The following PTCHD4 variants were observed in gnomAD, a reference collection of about 807,000 sequenced individuals.
The protein encoded by PTCHD4 is patched domain containing 4, also known as patched domain-containing protein 4.
A neutral mutation model predicts 58.1 loss-of-function variants in PTCHD4; 33 were observed. The observed-to-expected ratio is 0.57, with a 90% CI of 0.43 to 0.76. PTCHD4 has a LOEUF of 0.76. Among genes scored for constraint, PTCHD4 ranks in the 30% least tolerant of loss-of-function variants. The probability of loss-of-function intolerance (pLI) is 0.00; values close to 1 mark genes in which losing one functional copy is unlikely to be tolerated. For synonymous variants in PTCHD4, 478 were observed against 409.6 expected (o/e 1.17, Z -2.02); for missense variants, 1,058 against 1,027.1 (o/e 1.03, Z -0.41).
At chr6:47,937,990 T>G (rs1440816987) in intron 4 of PTCHD4, among the ~76,000 whole-genome samples, 1 of 151,916 alleles carries the variant, frequency 6.6e-6, no homozygotes, top group African/African-American at 2.4e-5. Flanking sequence ...CCATCTCTAC[T>G]AAAAATACAA....
chr6:48,005,283 A>G (rs1762391838), intron 4 of PTCHD4, among the ~76,000 whole-genome samples: 1 of 152,204 alleles, frequency 6.6e-6, no homozygotes, highest in South Asian at 2.1e-4. Flanking sequence ...AGCTTCAGGG[A>G]TGATACTGAT....
rs913531808 is a variant in PTCHD4 at position 47,886,097 on chromosome 6, C to T, written c.899-6161G>A. ...CCTCCCAAAGTGCTGGGATTATAGG[C>T]GCGAGCCACGGCGATGGCAAGATTT... On this transcript the variant is annotated intron_variant, in intron 4 of 4. Transcript: ENST00000339488. Among the ~76,000 whole-genome samples the T allele has an allele frequency of 4.0e-5, 6 of 149,734 alleles. No individual in the cohort carries two copies. The South Asian group carries it at 6.4e-4, about 16-fold the overall frequency.
intron 4 of PTCHD4, among the ~76,000 whole-genome samples, chr6:47,896,522 G>A (rs1257544350): frequency 1.3e-5 from 2 of 152,198 alleles, no homozygotes; most frequent in Non-Finnish European, 2.9e-5. Context: ...ACATGGAAAT[G>A]TATACATGAA....
intron 3 of PTCHD4, among the ~76,000 whole-genome samples, chr6:48,014,197 G>A (rs903234161): frequency 3.3e-5 from 5 of 151,964 alleles, no homozygotes; most frequent in Non-Finnish European, 7.4e-5. Context: ...TCCATTAAAA[G>A]GTCCACATTT....
At chr6:48,046,340 G>A (rs953242228) in intron 3 of PTCHD4, among the ~76,000 whole-genome samples, 2 of 151,762 alleles carry the variant, frequency 1.3e-5, no homozygotes, top group East Asian at 1.9e-4. Context: ...GTAGCTTTTG[G>A]GGGAAGCACT....
chr6:47,914,604 T>C (rs12209011), intron 4 of PTCHD4, among the ~76,000 whole-genome samples: 85,338 of 150,416 alleles, frequency 0.57, 25,467 homozygotes, highest in East Asian at 0.78. Context: ...ATAGTTAATC[T>C]TTCTCTCTCT....
chr6:48,048,233 A>C (rs1207420562), intron 3 of PTCHD4, among the ~76,000 whole-genome samples: 1 of 151,904 alleles, frequency 6.6e-6, no homozygotes, highest in Non-Finnish European at 1.5e-5. Context: ...TTATGCAATA[A>C]ATAGCCAAAT....
intron 4 of PTCHD4, among the ~76,000 whole-genome samples, chr6:47,955,170 A>C (rs1766808902): frequency 6.6e-6 from 1 of 152,238 alleles, no homozygotes; most frequent in South Asian, 2.1e-4. Context: ...AGTTTTGAGG[A>C]AGCTTATCAT....
At chr6:47,969,909 A>AG (rs1237905996) in intron 4 of PTCHD4, among the ~76,000 whole-genome samples, 1 of 152,170 alleles carries the variant, frequency 6.6e-6, no homozygotes, top group African/African-American at 2.4e-5. Context: ...CAAATAATAA[A>AG]CTGTGAATCA....
chr6:48,001,405 A>G (rs1397887509), intron 4 of PTCHD4, among the ~76,000 whole-genome samples: 1 of 152,202 alleles, frequency 6.6e-6, no homozygotes, highest in African/African-American at 2.4e-5. Flanking sequence ...TGGTACCAAA[A>G]CAGAGATATA....
chr6:47,939,370 C>T (rs1020226229), intron 4 of PTCHD4, among the ~76,000 whole-genome samples: 1 of 151,950 alleles, frequency 6.6e-6, no homozygotes, highest in Non-Finnish European at 1.5e-5. Context: ...ACATGGCCTA[C>T]AGGTACATTA....
intron 4 of PTCHD4, among the ~76,000 whole-genome samples, chr6:47,925,577 A>C (rs1581888130): frequency 6.6e-6 from 1 of 152,224 alleles, no homozygotes; most frequent in Admixed American, 6.5e-5. Context: ...ACTTGCTGCA[A>C]TCCTAAAAGA....
At chr6:47,925,656 C>T (rs752188696) in intron 4 of PTCHD4, among the ~76,000 whole-genome samples, 7 of 152,196 alleles carry the variant, frequency 4.6e-5, no homozygotes, top group Non-Finnish European at 7.4e-5. Flanking sequence ...TGATGACAAC[C>T]ACAAAGGTGG....
At chr6:48,086,254 A>G (rs1765261510) in intron 1 of PTCHD4, among the ~76,000 whole-genome samples, 1 of 152,192 alleles carries the variant, frequency 6.6e-6, no homozygotes, top group Non-Finnish European at 1.5e-5. Flanking sequence ...TATGGACACT[A>G]ACACTTGCAT....
intron 4 of PTCHD4, among the ~76,000 whole-genome samples, chr6:48,004,470 C>T (rs940566744): frequency 3.9e-5 from 6 of 152,048 alleles, no homozygotes; most frequent in Non-Finnish European, 7.4e-5. Context: ...ATTTCTTCTT[C>T]CAGAAAGAGG....
At chr6:48,102,602 C>T (rs532088164) in intron 1 of PTCHD4, among the ~76,000 whole-genome samples, 18 of 152,254 alleles carry the variant, frequency 1.2e-4, no homozygotes, top group East Asian at 7.7e-4. Context: ...AGGGGAGTGC[C>T]GGACAGTGGG....
At chr6:47,884,092 A>ATG (rs151246264) in intron 4 of PTCHD4, among the ~76,000 whole-genome samples, 9,523 of 149,878 alleles carry the variant, frequency 0.064, 336 homozygotes, top group Middle Eastern at 0.099. Flanking sequence ...TTATGTATGT[A>ATG]TGTGTGTGTG....
At chr6:47,881,052 T>A (rs1410072086) in intron 4 of PTCHD4, among the ~76,000 whole-genome samples, 2 of 152,176 alleles carry the variant, frequency 1.3e-5, no homozygotes, top group Non-Finnish European at 2.9e-5. Context: ...ACCTTTTCTG[T>A]GAATGGATAC....
chr6:47,882,741 G>GATGTATATATATATATATAT (rs1764057375), intron 4 of PTCHD4, among the ~76,000 whole-genome samples: 1 of 102,374 alleles, frequency 9.8e-6, no homozygotes, highest in African/African-American at 3.2e-5. Context: ...TGATTCCAGT[G>GATGTATATATATATATATAT]ATATATATAT....
Sources: gnomAD v4.1 joint callset for allele counts (sites outside exome capture counted in the v4.1 genomes callset) on GRCh38, gnomAD v4.1.1 for gene constraint, MANE v1.5 for transcripts, NCBI Gene and HGNC (gene_info 2026-07-23, HGNC 2026-07-21) for gene names.